The following RNF115 variants were observed in gnomAD, a reference collection of about 807,000 sequenced individuals.
The protein encoded by RNF115 is E3 ubiquitin-protein ligase RNF115.
In RNF115, 31 loss-of-function variants were observed where a neutral mutation model predicts 39.2. The observed-to-expected ratio is 0.79, with a 90% CI of 0.59 to 1.07. The LOEUF is 1.07. Ranked by LOEUF, RNF115 falls within the 50% of genes least tolerant of loss-of-function variation. The probability of loss-of-function intolerance (pLI) is 0.00; values close to 1 mark genes in which losing one functional copy is unlikely to be tolerated. For missense variants in RNF115, 384 were observed against 381.7 expected (o/e 1.01, Z -0.05); for synonymous variants, 124 against 131.0 (o/e 0.95, Z 0.37).
chr1:145,760,245 C>A (rs1361935603), intron 4 of RNF115, among the ~76,000 whole-genome samples: 5 of 152,022 alleles, frequency 3.3e-5, no homozygotes, highest in African/African-American at 9.7e-5. Flanking sequence ...ATAAGGAGAC[C>A]CCATCTCTAC....
chr1:145,806,302 C>G (rs953290680), intron 1 of RNF115, among the ~76,000 whole-genome samples: 4 of 151,868 alleles, frequency 2.6e-5, no homozygotes, highest in Middle Eastern at 3.2e-3. Context: ...GAGCTGAGAT[C>G]GTGCCACTGC....
intron 7 of RNF115, among the ~76,000 whole-genome samples, chr1:145,748,814 G>A (rs1657972080): frequency 6.6e-6 from 1 of 151,712 alleles, no homozygotes; most frequent in South Asian, 2.1e-4. Flanking sequence ...AACCCGGGAG[G>A]CGGAGGTTGC....
At chr1:145,818,113 T>C (rs1650071068) in intron 1 of RNF115, among the ~76,000 whole-genome samples, 2 of 151,808 alleles carry the variant, frequency 1.3e-5, no homozygotes, top group Admixed American at 6.6e-5. Flanking sequence ...TCTGGGTATA[T>C]ACCCAGTAAT....
chr1:145,801,494 G>C (rs1235869745), intron 1 of RNF115, among the ~76,000 whole-genome samples: 1 of 152,018 alleles, frequency 6.6e-6, no homozygotes, highest in Non-Finnish European at 1.5e-5. Context: ...GAACCCAGGA[G>C]GCAGAGGTTG....
At chr1:145,773,722 C>T (rs981801594) in intron 3 of RNF115, 1 of 152,098 alleles carries the variant, frequency 6.6e-6, no homozygotes. Flanking sequence ...TTTCAAAGCT[C>T]CTATTCCTCT....
Position 145,767,952 on chromosome 1 carries a change from GACA to G in RNF115, c.428+3756_428+3758del, listed in dbSNP as rs1647442282. Among the ~76,000 whole-genome samples, 7 of 4,446 alleles carry G rather than the reference GACA, an allele frequency of 1.6e-3. No homozygotes were observed. In the Admixed American group the frequency reaches 0.017, roughly 11 times the overall value. The allele number at this position is 4,446 out of a possible 152,430, so 2.9% of individuals were successfully genotyped here. A position where few individuals can be genotyped will look rare whatever the true frequency, so the allele number is the denominator to read the frequency against. ...AGTCCAGCTTCGGCTCGGCATCAGA[GACA>G]GAGAGAGACCATGGCAAGAGAGGGA... On this transcript the variant is annotated intron_variant, in intron 4 of 8. Transcript: ENST00000582693.
intron 3 of RNF115, among the ~76,000 whole-genome samples, chr1:145,778,503 A>T (rs1553716863): frequency 6.6e-6 from 1 of 152,216 alleles, no homozygotes; most frequent in Non-Finnish European, 1.5e-5. Context: ...TCAAAAAATA[A>T]TATTAGAGTG....
Position 145,824,032 on chromosome 1 carries a change from G to A in RNF115, c.-159C>T, listed in dbSNP as rs1204762685. 3.8e-6 allele frequency: 2 copies of A among 520,212 alleles called. No homozygotes were observed. Among genetic ancestry groups the A allele is most frequent in the East Asian group, 7.2e-5 (2 of 27,640 alleles). The allele number at this position is 520,212 out of a possible 1,614,324, so 32.2% of individuals were successfully genotyped here. A position where few individuals can be genotyped will look rare whatever the true frequency, so the allele number is the denominator to read the frequency against. On this transcript the variant is annotated 5_prime_UTR_variant, in exon 1 of 9. Transcript: ENST00000582693. ...GTGAGTTGGCCAGGCCCAGAAACGC[G>A]GCGGCGCCAACAGCTACCCTGCGGC... is the stretch of plus-strand genomic sequence containing the variant.
At chr1:145,763,368 A>T (rs955723024) in intron 4 of RNF115, among the ~76,000 whole-genome samples, 2 of 152,194 alleles carry the variant, frequency 1.3e-5, no homozygotes, top group African/African-American at 4.8e-5. Flanking sequence ...TACCAAGCTA[A>T]AGTGTAACAA....
intron 1 of RNF115, among the ~76,000 whole-genome samples, chr1:145,807,418 T>A (rs1649508602): frequency 1.3e-5 from 2 of 152,194 alleles, no homozygotes; most frequent in South Asian, 4.1e-4. Flanking sequence ...TTAAAACAAC[T>A]TCTCCCTATC....
chr1:145,808,077 T>C (rs1044355335), intron 1 of RNF115, among the ~76,000 whole-genome samples: 1 of 152,150 alleles, frequency 6.6e-6, no homozygotes, highest in Non-Finnish European at 1.5e-5. Flanking sequence ...ATATACCACA[T>C]TTTCTTTATC....
chr1:145,806,967 G>A (rs1336301321), intron 1 of RNF115, among the ~76,000 whole-genome samples: 1 of 152,214 alleles, frequency 6.6e-6, no homozygotes, highest in Non-Finnish European at 1.5e-5. Flanking sequence ...ACTGCGCCCA[G>A]CCGTAAACCT....
At chr1:145,813,171 T>C (rs1553722953) in intron 1 of RNF115, among the ~76,000 whole-genome samples, 3 of 151,810 alleles carry the variant, frequency 2.0e-5, no homozygotes, top group African/African-American at 4.8e-5. Flanking sequence ...AAGCTTCCCA[T>C]ACGTGCACCT....
rs1172613737 is a variant in RNF115, at chr1:145,821,457, CTTTTTTTTT to C, written c.102+2306_102+2314del. 2.0e-3 allele frequency among the ~76,000 whole-genome samples: 93 copies of C among 47,474 alleles called. No individual in the cohort carries two copies. In the East Asian group the frequency reaches 0.045, roughly 23 times the overall value. 31.1% of individuals were successfully genotyped at this position (47,474 alleles called of 152,430 possible). A position where few individuals can be genotyped will look rare whatever the true frequency, so the allele number is the denominator to read the frequency against. ...GGGAAGTTTAGACTGTCTTCTCACTCTTTTTTTTTTTTTTTTTTTTTTTTTGAGACAGGG... is the reference window on the plus strand; with the variant it reads ...GGGAAGTTTAGACTGTCTTCTCACTCTTTTTTTTTTTTTTTTGAGACAGGG... On this transcript the variant is annotated intron_variant, in intron 1 of 8. Coordinates refer to ENST00000582693, the MANE Select transcript of RNF115 (RefSeq NM_014455.4).
chr1:145,759,312 T>C (rs1294009337), intron 4 of RNF115, among the ~76,000 whole-genome samples: 1 of 152,150 alleles, frequency 6.6e-6, no homozygotes, highest in Non-Finnish European at 1.5e-5. Flanking sequence ...ATTCAACATT[T>C]CCACTTGTAT....
intron 1 of RNF115, among the ~76,000 whole-genome samples, chr1:145,794,726 G>T (rs1177745448): frequency 1.3e-5 from 2 of 151,222 alleles, no homozygotes; most frequent in East Asian, 3.9e-4. Context: ...TCTTAAAGAT[G>T]GTGTGTCCTG....
intron 1 of RNF115, among the ~76,000 whole-genome samples, chr1:145,806,641 G>A (rs893219774): frequency 3.9e-5 from 6 of 152,120 alleles, no homozygotes; most frequent in African/African-American, 1.2e-4. Context: ...TGATGTGGTT[G>A]TTTAAAAGAG....
chr1:145,752,805 C>G (rs1342424146), intron 5 of RNF115, among the ~76,000 whole-genome samples, 173 bp downstream of exon 5: 9 of 151,724 alleles, frequency 5.9e-5, no homozygotes, highest in African/African-American at 2.2e-4. Context: ...GCCAGGATGG[C>G]CTCGATCTCC....
intron 1 of RNF115, among the ~76,000 whole-genome samples, chr1:145,814,626 G>A (rs1649898347): frequency 6.6e-6 from 1 of 151,256 alleles, no homozygotes; most frequent in Admixed American, 6.6e-5. Flanking sequence ...AATACAAAGT[G>A]TTAGCACATC....
Sources: gnomAD v4.1 joint callset for allele counts (sites outside exome capture counted in the v4.1 genomes callset) on GRCh38, gnomAD v4.1.1 for gene constraint, MANE v1.5 for transcripts, NCBI Gene and HGNC (gene_info 2026-07-23, HGNC 2026-07-21) for gene names.